The following SYNE2 variants were observed in gnomAD, a reference collection of about 807,000 sequenced individuals.
The protein encoded by SYNE2 is spectrin repeat containing nuclear envelope protein 2.
SYNE2 carries 431 observed loss-of-function variants against 856.3 expected under a neutral mutation model. The ratio of observed to expected loss-of-function variants is 0.50; its 90% CI spans 0.47 to 0.55. The LOEUF is 0.55. Among genes scored for constraint, SYNE2 ranks in the 20% least tolerant of loss-of-function variants. The pLI is 0.00. For synonymous variants in SYNE2, 2,923 were observed against 2,872.3 expected, an observed-to-expected ratio of 1.02 and a Z score of -0.56; for missense variants, 8,129 against 8,023.2, an observed-to-expected ratio of 1.01 and a Z score of -0.50.
At chr14:64,077,144 G>A (rs1008085794) in intron 54 of SYNE2, among the ~76,000 whole-genome samples, 5 of 152,090 alleles carry the variant, frequency 3.3e-5, no homozygotes, top group Non-Finnish European at 7.4e-5. Flanking sequence ...GTAACAAACA[G>A]CAACTAATTT....
intron 1 of SYNE2, among the ~76,000 whole-genome samples, chr14:63,805,782 G>A (rs1388674349): frequency 6.6e-6 from 1 of 152,166 alleles, no homozygotes; most frequent in Non-Finnish European, 1.5e-5. Flanking sequence ...CTCTCAGCTT[G>A]GACGTTGTTT....
At chr14:63,912,137 C>T (rs1566782225) in intron 2 of SYNE2, among the ~76,000 whole-genome samples, 2 of 152,160 alleles carry the variant, frequency 1.3e-5, no homozygotes, top group Non-Finnish European at 2.9e-5. Flanking sequence ...AAGAAGTTCC[C>T]ATACCTATAA....
Position 64,048,004 on chromosome 14 carries a change from C to T in SYNE2, c.7226C>T (p.Ser2409Leu), listed in dbSNP as rs1437127827. ...LEEDWEINKDSAVEMAMSKQL... is the reference protein window; with the variant it reads ...LEEDWEINKDLAVEMAMSKQL... The stretch of plus-strand genomic sequence containing the variant: ...TAATCTTTTTATGTATTTCAGGATT[C>T]AGCTGTGGAAATGGCTATGTCAAAA... Residue 2409 changes from serine to leucine, a missense_variant, in exon 46 of 116, where the codon TCA becomes TTA. By Grantham distance (145) the Ser-to-Leu change is moderately radical. Coordinates refer to ENST00000555002, the MANE Select transcript of SYNE2 (RefSeq NM_182914.3). The T allele has an allele frequency of 3.7e-6, 6 of 1,613,620 alleles. No homozygotes were observed. The highest frequency in any genetic ancestry group is 8.5e-7 in the Non-Finnish European group (1 of 1,179,780).
At chr14:64,156,063 C>G (rs2098282726) in intron 85 of SYNE2, among the ~76,000 whole-genome samples, 1 of 152,176 alleles carries the variant, frequency 6.6e-6, no homozygotes, top group South Asian at 2.1e-4. Flanking sequence ...ATACAATGCT[C>G]AATAAATGCT....
At chr14:64,035,799 A>G (rs966600193) in intron 45 of SYNE2, among the ~76,000 whole-genome samples, 5 of 151,412 alleles carry the variant, frequency 3.3e-5, no homozygotes, top group African/African-American at 9.7e-5. Context: ...ACCCTAAGCC[A>G]TCCTCCTGCC....
At chr14:63,978,787 G>C (rs937503790) in intron 13 of SYNE2, 65 bp from the exon 14 acceptor site, 5 of 1,392,834 alleles carry the variant, frequency 3.6e-6, no homozygotes, top group Non-Finnish European at 5.0e-6. Flanking sequence ...TTAAAATGCT[G>C]AACAGATTTC....
intron 23 of SYNE2, 147 bp from the exon 24 acceptor site, chr14:63,996,800 T>C: frequency 1.3e-6 from 1 of 772,488 alleles, no homozygotes; most frequent in Admixed American, 2.2e-5. Flanking sequence ...CTCATCTTTT[T>C]TTCTCTAGCG....
chr14:64,147,690 C>T (rs2098199493), intron 84 of SYNE2, among the ~76,000 whole-genome samples: 1 of 152,196 alleles, frequency 6.6e-6, no homozygotes, highest in Admixed American at 6.5e-5. Context: ...TAACTAAGTT[C>T]AGCAAAGCCT....
At position 64,053,083 on chromosome 14, in the gene SYNE2, C is replaced by T; in HGVS notation, c.9170C>T (p.Ala3057Val). ...KYQALLSKMRAIDLQIKKMTE... is the reference protein window; with the variant it reads ...KYQALLSKMRVIDLQIKKMTE... Reference sequence around the variant, plus strand: ...CAGGCATTATTAAGTAAAATGAGAGCTATTGATTTGCAAATTAAGAAAATG... The same window carrying T: ...CAGGCATTATTAAGTAAAATGAGAGTTATTGATTTGCAAATTAAGAAAATG... Residue 3057 changes from alanine to valine, a missense_variant, in exon 48 of 116, where the codon GCT becomes GTT. Around this residue, in one of 3 missense-constraint regions of SYNE2, gnomAD observed 5,410 missense variants for 5,284.8 expected, o/e 1.02. Coordinates refer to ENST00000555002, the MANE Select transcript of SYNE2 (RefSeq NM_182914.3). The T allele has an allele frequency of 1.2e-6, 2 of 1,613,996 alleles. No individual in the cohort carries two copies. Among genetic ancestry groups the T allele is most frequent in the South Asian group, 2.2e-5 (2 of 91,034 alleles).
rs750982331 is a variant in SYNE2, at chr14:64,170,235, T to A, written c.17008T>A (p.Phe5670Ile). 63 of 1,613,790 alleles carry A rather than the reference T, an allele frequency of 3.9e-5. No individual in the cohort carries two copies. Among genetic ancestry groups the A allele is most frequent in the Middle Eastern group, 1.7e-4 (1 of 5,746 alleles). ...CCATTTGTTTTTCCCCAGACCAGAA[T>A]TTATTACAGAATTCTCAAAGCTGAC... ...DTTEIENRPE[F>I]ITEFSKLTDR... The change falls in exon 94 of 116, where the codon TTT becomes ATT. Residue 5670 changes from phenylalanine to isoleucine, a missense_variant. Physicochemically the swap from Phe to Ile is conservative, Grantham distance 21. Around this residue, in one of 3 missense-constraint regions of SYNE2, gnomAD observed 5,410 missense variants for 5,284.8 expected, o/e 1.02. Coordinates refer to ENST00000555002, the MANE Select transcript of SYNE2 (RefSeq NM_182914.3).
In SYNE2 at chr14:64,225,813, C is replaced by T; in HGVS notation, c.*287C>T. ...TGTCAGTTTCCTGAAGAGCCAAGCACTTTGTGAATTCTGGTTTGTTTGTAA... is the reference window on the plus strand; with the variant it reads ...TGTCAGTTTCCTGAAGAGCCAAGCATTTTGTGAATTCTGGTTTGTTTGTAA... On this transcript the variant is annotated 3_prime_UTR_variant, in exon 116 of 116. Transcript: ENST00000555002. 3.4e-6 allele frequency: 2 copies of T among 590,886 alleles called. No individual in the cohort carries two copies. Among genetic ancestry groups the T allele is most frequent in the Non-Finnish European group, 6.0e-6 (2 of 331,540 alleles). 36.6% of individuals were successfully genotyped at this position (590,886 alleles called of 1,614,324 possible).
chr14:63,910,375 A>G (rs1423221991), intron 2 of SYNE2, among the ~76,000 whole-genome samples: 7 of 152,238 alleles, frequency 4.6e-5, no homozygotes, highest in African/African-American at 1.2e-4. Context: ...AGCTGTTAGA[A>G]TAGACAGTAT....
intron 1 of SYNE2, among the ~76,000 whole-genome samples, chr14:63,827,001 G>C (rs980726461): frequency 6.6e-6 from 1 of 152,122 alleles, no homozygotes; most frequent in Admixed American, 6.6e-5. Flanking sequence ...CTTGCAGCTG[G>C]GCACGGTAGC....
At chr14:64,174,560 C>T (rs534247534) in intron 94 of SYNE2, among the ~76,000 whole-genome samples, 10 of 152,232 alleles carry the variant, frequency 6.6e-5, no homozygotes, top group African/African-American at 1.7e-4. Flanking sequence ...ATTTGTTTAG[C>T]GTAATATAAG....
At chr14:63,861,005 G>A (rs749397492) in intron 1 of SYNE2, among the ~76,000 whole-genome samples, 10 of 152,144 alleles carry the variant, frequency 6.6e-5, no homozygotes, top group Non-Finnish European at 1.2e-4. Context: ...AGCAATCTGT[G>A]TTTAATAAGC....
At chr14:63,996,701 G>A (rs1266361199) in intron 23 of SYNE2, among the ~76,000 whole-genome samples, 1 of 152,040 alleles carries the variant, frequency 6.6e-6, no homozygotes, top group African/African-American at 2.4e-5. Context: ...CTTCAGGCGG[G>A]TAGGCTCTAT....
intron 1 of SYNE2, among the ~76,000 whole-genome samples, chr14:63,783,346 C>T (rs1218311602): frequency 6.6e-6 from 1 of 152,020 alleles, no homozygotes; most frequent in Non-Finnish European, 1.5e-5. Flanking sequence ...TGAGTCAATC[C>T]CTTTATAAAT....
rs1360220384 is a variant in SYNE2 at position 64,220,520 on chromosome 14, C to T, written c.19944C>T (p.Ser6648=). 8 of 1,614,148 alleles carry T rather than the reference C, an allele frequency of 5.0e-6. No homozygotes were observed. The highest frequency in any genetic ancestry group is 2.2e-5 in the East Asian group (1 of 44,882). The part of the protein sequence containing the change: ...VSSKEFLQTE[S]PESTELQSRL... ...GCAAGGAATTTCTGCAAACCGAGAG[C>T]CCCGAATCCACAGAGCTCCAAAGTA... Residue 6648 remains serine, a synonymous_variant, in exon 111 of 116, where the codon AGC becomes AGT. Transcript: ENST00000555002.
At chr14:63,852,303 C>A (rs1252712976), upstream of SYNE2, among the ~76,000 whole-genome samples, 1 of 152,020 alleles carries the variant, frequency 6.6e-6, no homozygotes, top group Non-Finnish European at 1.5e-5. Flanking sequence ...ATCCTGGGTC[C>A]AAAGGGACTG....
Sources: gnomAD v4.1 joint callset for allele counts (sites outside exome capture counted in the v4.1 genomes callset) on GRCh38, gnomAD v4.1.1 for gene constraint, gnomAD v4.1.1 regional missense constraint, MANE v1.5 for transcripts, NCBI Gene and HGNC (gene_info 2026-07-23, HGNC 2026-07-21) for gene names.